The following GPC5 variants were observed in gnomAD, a reference collection of about 807,000 sequenced individuals.
The protein encoded by GPC5 is glypican 5.
In GPC5, 47 loss-of-function variants were observed where a neutral mutation model predicts 53.9. The observed-to-expected ratio is 0.87, with a 90% CI of 0.69 to 1.11. The LOEUF (loss-of-function observed/expected upper bound fraction) is 1.11, where lower values mean the gene tolerates loss of function less well. Among genes scored for constraint, GPC5 ranks in the 50% most tolerant of loss-of-function variants. GPC5 has a pLI of 0.00. For synonymous variants in GPC5, 286 were observed against 263.3 expected (o/e 1.09, Z -0.84); for missense variants, 748 against 713.1 (o/e 1.05, Z -0.56).
At chr13:91,774,512 C>A (rs1296093722) in intron 5 of GPC5, among the ~76,000 whole-genome samples, 1 of 152,040 alleles carries the variant, frequency 6.6e-6, no homozygotes, top group South Asian at 2.1e-4. Flanking sequence ...GGGCAGGATG[C>A]TACAGGAGTA....
At chr13:91,972,326 T>C (rs925389172) in intron 6 of GPC5, among the ~76,000 whole-genome samples, 3 of 152,236 alleles carry the variant, frequency 2.0e-5, no homozygotes, top group African/African-American at 4.8e-5. Flanking sequence ...TTAGTAGATC[T>C]TCCTCCATCC....
chr13:92,023,077 C>T (rs1326513), intron 6 of GPC5, among the ~76,000 whole-genome samples: 134,926 of 152,062 alleles, frequency 0.89, 60,628 homozygotes, highest in East Asian at 1. Context: ...TATTATAATA[C>T]CTAACAGCAT....
intron 2 of GPC5, among the ~76,000 whole-genome samples, chr13:91,479,140 TG>T (rs978746969): frequency 3.3e-5 from 5 of 151,642 alleles, no homozygotes; most frequent in Non-Finnish European, 5.9e-5. Context: ...CTCGAACTCC[TG>T]AGCTCAGGCA....
intron 2 of GPC5, among the ~76,000 whole-genome samples, chr13:91,588,542 C>T (rs1010912970): frequency 3.3e-5 from 5 of 152,054 alleles, no homozygotes; most frequent in African/African-American, 1.2e-4. Context: ...ATGTATTCTC[C>T]TCATATCACA....
chr13:92,289,020 G>C (rs1372273742), intron 7 of GPC5, among the ~76,000 whole-genome samples: 2 of 151,734 alleles, frequency 1.3e-5, no homozygotes, highest in African/African-American at 4.8e-5. Context: ...TGTGAATACT[G>C]AAAGTGATCT....
intron 2 of GPC5, among the ~76,000 whole-genome samples, chr13:91,678,013 G>C (rs989826256): frequency 6.6e-6 from 1 of 152,110 alleles, no homozygotes; most frequent in Non-Finnish European, 1.5e-5. Context: ...ACCCATTTTA[G>C]TTATCAGAAA....
At position 91,524,326 on chromosome 13, in the gene GPC5, TG is replaced by T. The variant is rs1436728218; in HGVS notation, c.325+75405del. On this transcript the variant is annotated intron_variant, in intron 2 of 7. Coordinates refer to ENST00000377067, the MANE Select transcript of GPC5 (RefSeq NM_004466.6). Reference sequence around the variant, plus strand: ...CTCTAAAACATATTATAACATGGGGTGTTTTTTTATGTTTTTCAATTTAGTG... The same window carrying T: ...CTCTAAAACATATTATAACATGGGGTTTTTTTTATGTTTTTCAATTTAGTG... 4.6e-5 allele frequency among the ~76,000 whole-genome samples: 7 copies of T among 152,056 alleles called. No homozygotes were observed. The East Asian group carries it at 5.8e-4, about 13-fold the overall frequency.
chr13:92,661,828 T>G (rs1265346997), intron 7 of GPC5, among the ~76,000 whole-genome samples: 1 of 152,182 alleles, frequency 6.6e-6, no homozygotes, highest in Non-Finnish European at 1.5e-5. Context: ...AAGAATACAG[T>G]GTGAATTTAA....
At chr13:92,384,344 C>G (rs1295374363) in intron 7 of GPC5, among the ~76,000 whole-genome samples, 4 of 152,068 alleles carry the variant, frequency 2.6e-5, no homozygotes, top group Non-Finnish European at 5.9e-5. Context: ...TGAGATATCA[C>G]AAGCACAGAA....
intron 3 of GPC5, among the ~76,000 whole-genome samples, chr13:91,715,904 G>A (rs1300960808): frequency 6.6e-6 from 1 of 151,602 alleles, no homozygotes; most frequent in Admixed American, 6.6e-5. Flanking sequence ...CTCCTGAATA[G>A]CTGGGACTAC....
At chr13:92,106,414 A>G (rs2041510490) in intron 6 of GPC5, among the ~76,000 whole-genome samples, 1 of 152,114 alleles carries the variant, frequency 6.6e-6, no homozygotes, top group African/African-American at 2.4e-5. Flanking sequence ...TATATGACAC[A>G]TAGATTTTGG....
intron 7 of GPC5, among the ~76,000 whole-genome samples, chr13:92,862,325 G>C (rs887964165): frequency 6.6e-6 from 1 of 152,082 alleles, no homozygotes; most frequent in African/African-American, 2.4e-5. Context: ...TTAATTAAAA[G>C]TGTTCTTTGT....
intron 2 of GPC5, among the ~76,000 whole-genome samples, chr13:91,687,666 T>C (rs2035651739): frequency 3.3e-5 from 5 of 152,060 alleles, no homozygotes; most frequent in African/African-American, 7.2e-5. Context: ...CTGGAAATTA[T>C]TCTGTCTTGA....
intron 7 of GPC5, among the ~76,000 whole-genome samples, chr13:92,555,000 G>A (rs1167475306): frequency 6.7e-6 from 1 of 150,346 alleles, no homozygotes; most frequent in African/African-American, 2.4e-5. Context: ...GTGGGAAATA[G>A]GGAGTTACTG....
At chr13:92,429,035 G>C (rs372989814) in intron 7 of GPC5, among the ~76,000 whole-genome samples, 1 of 151,974 alleles carries the variant, frequency 6.6e-6, no homozygotes, top group Non-Finnish European at 1.5e-5. Context: ...TTAATTTCAT[G>C]CATTACAACA....
intron 6 of GPC5, among the ~76,000 whole-genome samples, chr13:91,950,153 T>C (rs1383951402): frequency 2.0e-5 from 3 of 152,068 alleles, no homozygotes; most frequent in Non-Finnish European, 2.9e-5. Context: ...GCAGATTCTG[T>C]AAATTTTCAC....
intron 7 of GPC5, among the ~76,000 whole-genome samples, chr13:92,361,574 A>G (rs796960925): frequency 6.6e-6 from 1 of 151,642 alleles, no homozygotes; most frequent in South Asian, 2.1e-4. Flanking sequence ...CTAGTACATC[A>G]GTGTCTGAGG....
intron 2 of GPC5, among the ~76,000 whole-genome samples, chr13:91,677,181 G>C (rs1260121830): frequency 1.3e-5 from 2 of 152,092 alleles, no homozygotes; most frequent in African/African-American, 4.8e-5. Context: ...TCAAATGAAA[G>C]AAAAAGGGAA....
At chr13:91,475,922 A>G (rs1261852478) in intron 2 of GPC5, among the ~76,000 whole-genome samples, 7 of 152,246 alleles carry the variant, frequency 4.6e-5, no homozygotes, top group Admixed American at 3.3e-4. Context: ...CTAATCTGCC[A>G]CATAAGAAAT....
Sources: allele counts gnomAD v4.1 joint callset (sites outside exome capture counted in the v4.1 genomes callset), GRCh38; gene constraint gnomAD v4.1.1; transcripts MANE v1.5; gene names NCBI Gene and HGNC (gene_info 2026-07-23, HGNC 2026-07-21).